SETBP1: variants seen among roughly 807,000 people sequenced by gnomAD.
SETBP1 encodes the protein SET binding protein 1.
A neutral mutation model predicts 101.0 loss-of-function variants in SETBP1; 9 were observed. The ratio of observed to expected loss-of-function variants is 0.09; its 90% confidence interval spans 0.05 to 0.16. SETBP1 has a LOEUF of 0.16. Among genes scored for constraint, SETBP1 ranks in the 10% least tolerant of loss-of-function variants. SETBP1 has a pLI of 1.00. For missense variants in SETBP1, 1,858 were observed against 2,033.8 expected (o/e 0.91, Z 1.66); for synonymous variants, 818 against 788.5 (o/e 1.04, Z -0.63).
intron 3 of SETBP1, among the ~76,000 whole-genome samples, chr18:44,929,124 G>C (rs1045083431): frequency 6.6e-6 from 1 of 152,064 alleles, no homozygotes. Context: ...AGGTGTAAGG[G>C]AGGGATCCAG....
chr18:44,729,401 G>A (rs2069785795), intron 2 of SETBP1, among the ~76,000 whole-genome samples: 1 of 152,230 alleles, frequency 6.6e-6, no homozygotes, highest in Admixed American at 6.5e-5. Context: ...GACAGAGACA[G>A]CATCAGAAGG....
intron 2 of SETBP1, among the ~76,000 whole-genome samples, chr18:44,706,091 C>T (rs372914962): frequency 2.0e-4 from 30 of 152,146 alleles, no homozygotes; most frequent in East Asian, 1.5e-3. Flanking sequence ...GAAGCTACTT[C>T]GGGGCCTCTG....
At chr18:44,689,096 T>G (rs2068885676) in intron 1 of SETBP1, among the ~76,000 whole-genome samples, 1 of 152,170 alleles carries the variant, frequency 6.6e-6, no homozygotes, top group South Asian at 2.1e-4. Context: ...TGATCAGGCC[T>G]AGGGTATAGT....
chr18:44,929,551 T>C (rs1168862886), intron 3 of SETBP1, among the ~76,000 whole-genome samples: 1 of 152,220 alleles, frequency 6.6e-6, no homozygotes. Flanking sequence ...ACGATATTGA[T>C]TCTTCCTACC....
intron 4 of SETBP1, among the ~76,000 whole-genome samples, chr18:45,019,892 C>T (rs1352705780): frequency 6.6e-6 from 1 of 151,984 alleles, no homozygotes; most frequent in East Asian, 1.9e-4. Flanking sequence ...ATTGTATTTC[C>T]AGTGGCCATG....
At chr18:44,815,382 C>A (rs2071952608) in intron 2 of SETBP1, among the ~76,000 whole-genome samples, 1 of 152,178 alleles carries the variant, frequency 6.6e-6, no homozygotes, top group South Asian at 2.1e-4. Context: ...GAAGAGGAGG[C>A]TGTACGGGGC....
At chr18:44,913,942 C>A (rs604003) in intron 3 of SETBP1, among the ~76,000 whole-genome samples, 133,540 of 152,182 alleles carry the variant, frequency 0.88, 58,729 homozygotes, top group African/African-American at 0.93. Context: ...TTTGCAATAC[C>A]AAACATGACT....
intron 2 of SETBP1, among the ~76,000 whole-genome samples, chr18:44,767,319 C>T (rs996646491): frequency 6.6e-6 from 1 of 152,110 alleles, no homozygotes; most frequent in Non-Finnish European, 1.5e-5. Context: ...TAATGGCATC[C>T]ATTACTACAA....
chr18:44,733,043 T>A (rs896897784), intron 2 of SETBP1: 3 of 152,090 alleles, frequency 2.0e-5, no homozygotes, highest in Non-Finnish European at 2.9e-5. Flanking sequence ...CCACAAGAAG[T>A]CCTGGGATCA....
At position 44,844,353 on chromosome 18, in the gene SETBP1, G is replaced by GCA. The variant is rs35801562; in HGVS notation, c.487-24859_487-24858dup. ...CACACACACACGTGCACACACGCGC[G>GCA]CACACACACACACACACACTATTAA... On this transcript the variant is annotated intron_variant, in intron 2 of 5. Transcript: ENST00000649279. Among the ~76,000 whole-genome samples, 355 of 138,294 alleles carry GCA rather than the reference G, an allele frequency of 2.6e-3. 1 individual carries two copies. The highest frequency in any genetic ancestry group is 6.9e-3 in the Middle Eastern group (2 of 290). The allele number at this position is 138,294 out of a possible 152,430, so 90.7% of individuals were successfully genotyped here. A position where few individuals can be genotyped will look rare whatever the true frequency, so the allele number is the denominator to read the frequency against.
chr18:44,927,527 T>A (rs1319959577), intron 3 of SETBP1, among the ~76,000 whole-genome samples: 1 of 152,194 alleles, frequency 6.6e-6, no homozygotes. Flanking sequence ...AACTCCTGGA[T>A]AACTGATGAA....
intron 3 of SETBP1, among the ~76,000 whole-genome samples, chr18:44,900,808 A>G (rs947097587): frequency 2.0e-5 from 3 of 152,102 alleles, no homozygotes; most frequent in Non-Finnish European, 2.9e-5. Flanking sequence ...AGGCCTCCCA[A>G]CTCTGCTTGA....
intron 2 of SETBP1, among the ~76,000 whole-genome samples, chr18:44,861,683 C>T (rs549571698): frequency 6.6e-6 from 1 of 152,162 alleles, no homozygotes; most frequent in East Asian, 1.9e-4. Flanking sequence ...TGAATGAACC[C>T]CAGAGACTAC....
chr18:45,036,745 G>A (rs755530355), intron 4 of SETBP1, among the ~76,000 whole-genome samples: 16 of 152,228 alleles, frequency 1.1e-4, no homozygotes, highest in Non-Finnish European at 2.1e-4. Flanking sequence ...CAGCATGACT[G>A]TCTTCCTTAG....
intron 3 of SETBP1, among the ~76,000 whole-genome samples, chr18:44,883,338 GC>G (rs1194625295): frequency 6.6e-6 from 1 of 152,188 alleles, no homozygotes; most frequent in Non-Finnish European, 1.5e-5. Context: ...ATGTAGCTCA[GC>G]CATGAACATA....
chr18:44,775,992 A>G (rs866283301), intron 2 of SETBP1, among the ~76,000 whole-genome samples: 13 of 152,206 alleles, frequency 8.5e-5, no homozygotes, highest in South Asian at 4.1e-4. Flanking sequence ...TTGCCCTTCA[A>G]TGTTCAATGG....
intron 4 of SETBP1, among the ~76,000 whole-genome samples, chr18:44,966,263 T>C (rs941705825): frequency 6.6e-6 from 1 of 152,196 alleles, no homozygotes; most frequent in African/African-American, 2.4e-5. Context: ...CCTGATCATC[T>C]TCAAGTATTT....
rs779411835 is a variant in SETBP1 at position 44,952,385 on chromosome 18, AAAG to A, written c.3052_3054del (p.Lys1018del). 2 of 1,614,044 alleles carry A rather than the reference AAAG, an allele frequency of 1.2e-6. No individual in the cohort carries two copies. The highest frequency in any genetic ancestry group is 1.7e-6 in the Non-Finnish European group (2 of 1,180,036). ...TTCGTAGGACTTCAGACTTGAAGTC[AAAG>A]AAGAAGCGTGGTAGGCCTGCAAAAA... On this transcript the variant is annotated inframe_deletion, in exon 4 of 6. Coordinates refer to ENST00000649279, the MANE Select transcript of SETBP1 (RefSeq NM_015559.3).
intron 3 of SETBP1, among the ~76,000 whole-genome samples, chr18:44,938,958 A>G (rs1020025283): frequency 1.5e-3 from 219 of 147,344 alleles, no homozygotes; most frequent in African/African-American, 5.1e-3. Flanking sequence ...GAGTGTGTGC[A>G]TGTGTGTGTG....
Sources: allele counts gnomAD v4.1 joint callset (sites outside exome capture counted in the v4.1 genomes callset), GRCh38; gene constraint gnomAD v4.1.1; transcripts MANE v1.5; gene names NCBI Gene and HGNC (gene_info 2026-07-23, HGNC 2026-07-21).